The following PYY variants were observed in gnomAD, a reference collection of about 807,000 sequenced individuals.
PYY encodes peptide YY, also known as peptide tyrosine tyrosine.
PYY carries 12 observed loss-of-function variants against 10.3 expected under a neutral mutation model. The observed-to-expected ratio is 1.17, with a 90% CI of 0.75 to 1.89. The LOEUF (loss-of-function observed/expected upper bound fraction) is 1.89, where lower values mean the gene tolerates loss of function less well. Ranked by LOEUF, PYY falls within the 40% of genes most tolerant of loss-of-function variation. PYY has a pLI of 0.00. For missense variants in PYY, 141 were observed against 134.0 expected, an observed-to-expected ratio of 1.05 and a Z score of -0.26; for synonymous variants, 66 against 62.0, an observed-to-expected ratio of 1.06 and a Z score of -0.30.
intron 2 of PYY, among the ~76,000 whole-genome samples, chr17:43,964,269 C>G (rs2048739397): frequency 6.6e-6 from 1 of 152,198 alleles, no homozygotes; most frequent in Non-Finnish European, 1.5e-5. Flanking sequence ...AATCCTCTCA[C>G]CTCTACCTCC....
chr17:43,960,516 G>A (rs1229105735), intron 2 of PYY, among the ~76,000 whole-genome samples: 1 of 116,490 alleles, frequency 8.6e-6, no homozygotes, highest in Non-Finnish European at 1.7e-5. Context: ...CGAGGGACGA[G>A]AGTGAGACTT....
intron 1 of PYY, among the ~76,000 whole-genome samples, chr17:43,974,802 T>A (rs1012482939): frequency 2.6e-5 from 4 of 152,192 alleles, no homozygotes; most frequent in African/African-American, 9.7e-5. Context: ...CAAGTGGTGC[T>A]GGTGAGGATT....
chr17:43,953,350 A>C lies in PYY; in HGVS notation c.134T>G (p.Leu45Arg). Reference sequence around the variant, plus strand: ...GCGCAGGGAGGCGTAGTAGCGGTTCAGCTCCTCCGGCGAGGCGTCTTCGCG... The same window carrying C: ...GCGCAGGGAGGCGTAGTAGCGGTTCCGCTCCTCCGGCGAGGCGTCTTCGCG... ...APREDASPEE[L>R]NRYYASLRHY... Residue 45 changes from leucine (L) to arginine (R), a missense_variant, in exon 2 of 4, where the codon CTG becomes CGG. Coordinates refer to ENST00000692052, the MANE Select transcript of PYY (RefSeq NM_001394028.1). 1 of 1,612,574 alleles carries C rather than the reference A, an allele frequency of 6.2e-7. No individual in the cohort carries two copies. The highest frequency in any genetic ancestry group is 8.5e-7 in the Non-Finnish European group (1 of 1,179,472).
intron 1 of PYY, among the ~76,000 whole-genome samples, chr17:43,975,743 T>C (rs1481720459): frequency 8.5e-6 from 1 of 117,406 alleles, no homozygotes; most frequent in Admixed American, 8.7e-5. Flanking sequence ...TATATATATA[T>C]ATACACACAC....
At chr17:43,996,082 T>G (rs1236091301) in intron 1 of PYY, among the ~76,000 whole-genome samples, 1 of 152,178 alleles carries the variant, frequency 6.6e-6, no homozygotes, top group East Asian at 1.9e-4. Context: ...GACACACTTA[T>G]AACCAATAGG....
intron 1 of PYY, among the ~76,000 whole-genome samples, chr17:43,974,314 G>T (rs2048814997): frequency 6.6e-6 from 1 of 151,740 alleles, no homozygotes; most frequent in South Asian, 2.1e-4. Context: ...TGCACAAACT[G>T]CCCCCTTTAC....
At chr17:43,999,508 CTGAGGAGGGCAGATCACCTAAGG>C (rs377664755) in intron 1 of PYY, among the ~76,000 whole-genome samples, 2,724 of 151,946 alleles carry the variant, frequency 0.018, 85 homozygotes, top group African/African-American at 0.058. Context: ...CTTTGGGAGG[CTGAGGAGGGCAGATCACCTAAGG>C]TGAGGAGGGC....
chr17:43,993,194 CT>C (rs1325752387), intron 1 of PYY, among the ~76,000 whole-genome samples: 1 of 152,144 alleles, frequency 6.6e-6, no homozygotes, highest in Non-Finnish European at 1.5e-5. Flanking sequence ...GGTGCTGTGG[CT>C]CACGCCTGTA....
At chr17:43,993,324 G>A (rs2048970301) in intron 1 of PYY, among the ~76,000 whole-genome samples, 1 of 152,124 alleles carries the variant, frequency 6.6e-6, no homozygotes, top group South Asian at 2.1e-4. Flanking sequence ...GCCGGGCGTG[G>A]TGGTGGTGTC....
intron 1 of PYY, among the ~76,000 whole-genome samples, chr17:43,968,352 A>T (rs2143913657): frequency 6.6e-6 from 1 of 152,252 alleles, no homozygotes; most frequent in East Asian, 1.9e-4. Flanking sequence ...AAGAAATAAC[A>T]CTGATTTTAC....
At chr17:43,999,278 G>GCTAA (rs2049010192) in intron 1 of PYY, among the ~76,000 whole-genome samples, 1 of 152,104 alleles carries the variant, frequency 6.6e-6, no homozygotes, top group African/African-American at 2.4e-5. Flanking sequence ...GTAGGGGTGG[G>GCTAA]GGAGATGGCC....
At chr17:43,972,170 T>G (rs1293003603) in intron 1 of PYY, among the ~76,000 whole-genome samples, 1 of 139,540 alleles carries the variant, frequency 7.2e-6, no homozygotes, top group Non-Finnish European at 1.5e-5. Context: ...GTTACTTTAG[T>G]TATTTATTTA....
chr17:43,984,288 T>G (rs2048902216), intron 1 of PYY, among the ~76,000 whole-genome samples: 2 of 152,178 alleles, frequency 1.3e-5, no homozygotes, highest in Admixed American at 1.3e-4. Context: ...CCTGGCCTCC[T>G]TTTCCTTGTG....
rs766767372 is a variant in PYY, at chr17:43,953,325, G to A, written c.159C>T (p.Arg53=). The change falls in exon 2 of 4, where the codon CGC becomes CGT. Residue 53 remains arginine (R), a synonymous_variant. Transcript: ENST00000692052. ...EELNRYYASL[R]HYLNLVTRQR... is the part of the protein sequence containing the mutation. ...GCCGGGTGACCAGGTTGAGGTAGTG[G>A]CGCAGGGAGGCGTAGTAGCGGTTCA... 2.4e-5 allele frequency: 38 copies of A among 1,612,742 alleles called. No individual in the cohort carries two copies. In the East Asian group the frequency reaches 4.0e-4, roughly 17 times the overall value.
chr17:43,986,746 A>C (rs1219992489), intron 1 of PYY, among the ~76,000 whole-genome samples: 1 of 152,178 alleles, frequency 6.6e-6, no homozygotes, highest in Non-Finnish European at 1.5e-5. Flanking sequence ...ACCAGGAGCC[A>C]CCGTCAGCGC....
At chr17:43,992,123 G>GGA (rs1555619396) in intron 1 of PYY, among the ~76,000 whole-genome samples, 1 of 120,510 alleles carries the variant, frequency 8.3e-6, no homozygotes, top group Non-Finnish European at 1.6e-5. Flanking sequence ...CTGTCTCAAA[G>GGA]AAAAAAAAAA....
At chr17:43,972,514 C>T (rs1211601529) in intron 1 of PYY, among the ~76,000 whole-genome samples, 1 of 147,538 alleles carries the variant, frequency 6.8e-6, no homozygotes, top group Non-Finnish European at 1.5e-5. Flanking sequence ...CCACACCCGG[C>T]CAACTTTATG....
rs2048641359 is a variant in PYY at position 43,952,940 on chromosome 17, G to A, written c.*16C>T. 6.5e-7 allele frequency: 1 copy of A among 1,537,948 alleles called. No homozygotes were observed. Among genetic ancestry groups the A allele is most frequent in the Non-Finnish European group, 8.7e-7 (1 of 1,146,552 alleles). Reference sequence around the variant, plus strand: ...TGGGCGTGGTTGGCAGATCTCCCAGGAGGCCTCAGGGGTCCTCACCACAGG... The same window carrying A: ...TGGGCGTGGTTGGCAGATCTCCCAGAAGGCCTCAGGGGTCCTCACCACAGG... On this transcript the variant is annotated 3_prime_UTR_variant, in exon 4 of 4. Coordinates refer to ENST00000692052, the MANE Select transcript of PYY (RefSeq NM_001394028.1).
chr17:43,976,424 C>CAT (rs138273262), intron 1 of PYY, among the ~76,000 whole-genome samples: 94,562 of 128,948 alleles, frequency 0.73, 33,422 homozygotes, highest in South Asian at 0.81. Flanking sequence ...TATACATATA[C>CAT]ATATATACAC....
Sources: allele counts gnomAD v4.1 joint callset (sites outside exome capture counted in the v4.1 genomes callset), GRCh38; gene constraint gnomAD v4.1.1; transcripts MANE v1.5; gene names NCBI Gene and HGNC (gene_info 2026-07-23, HGNC 2026-07-21).